The following WWOX variants were observed in gnomAD, a reference collection of about 807,000 sequenced individuals.
WWOX encodes the protein WW domain-containing oxidoreductase.
In WWOX, 69 loss-of-function variants were observed where a neutral mutation model predicts 46.2. The observed-to-expected ratio is 1.49, with a 90% CI of 1.23 to 1.82. The LOEUF (loss-of-function observed/expected upper bound fraction) is 1.82, where lower values mean the gene tolerates loss of function less well. Among genes scored for constraint, WWOX ranks in the 40% most tolerant of loss-of-function variants. The pLI, the probability that WWOX is intolerant of heterozygous loss-of-function variation, is 0.00. For missense variants in WWOX, 919 were observed against 542.6 expected (o/e 1.69, Z -6.89); for synonymous variants, 359 against 202.6 (o/e 1.77, Z -6.56).
intron 8 of WWOX, among the ~76,000 whole-genome samples, chr16:78,865,819 G>T (rs1203810905): frequency 6.6e-6 from 1 of 152,190 alleles, no homozygotes; most frequent in Non-Finnish European, 1.5e-5. Flanking sequence ...GGCAGAGTTT[G>T]CAGTGAGCCA....
intron 8 of WWOX, among the ~76,000 whole-genome samples, chr16:78,474,378 C>G (rs547956803): frequency 1.3e-5 from 2 of 152,356 alleles, no homozygotes; most frequent in South Asian, 4.1e-4. Context: ...CCGATGCACT[C>G]TCTAAACCGA....
chr16:78,574,253 G>A (rs527460743), intron 8 of WWOX, among the ~76,000 whole-genome samples: 9 of 152,284 alleles, frequency 5.9e-5, no homozygotes, highest in South Asian at 2.1e-4. Context: ...TGTAATCATG[G>A]AAGCCATGTA....
At chr16:78,373,611 T>A (rs954425528) in intron 5 of WWOX, among the ~76,000 whole-genome samples, 2 of 151,750 alleles carry the variant, frequency 1.3e-5, no homozygotes, top group African/African-American at 4.8e-5. Flanking sequence ...CTGCAGTGTA[T>A]CTTTTTTAAA....
chr16:78,877,708 C>G (rs1220866409), intron 8 of WWOX, among the ~76,000 whole-genome samples: 3 of 152,150 alleles, frequency 2.0e-5, no homozygotes, highest in Admixed American at 1.3e-4. Context: ...ATTTTTGTCT[C>G]TTTTGCTCAC....
chr16:78,676,471 C>T (rs1000970462), intron 8 of WWOX, among the ~76,000 whole-genome samples: 4 of 151,690 alleles, frequency 2.6e-5, no homozygotes, highest in African/African-American at 7.3e-5. Context: ...TAAAAAGCTC[C>T]CCACCCCCAC....
intron 8 of WWOX, among the ~76,000 whole-genome samples, chr16:78,671,710 A>T (rs1403029113): frequency 6.6e-6 from 1 of 152,214 alleles, no homozygotes; most frequent in Non-Finnish European, 1.5e-5. Context: ...AGAGTAAGTG[A>T]CCAATAAATA....
chr16:78,690,882 A>G (rs1437135438), intron 8 of WWOX, among the ~76,000 whole-genome samples: 1 of 152,176 alleles, frequency 6.6e-6, no homozygotes, highest in Non-Finnish European at 1.5e-5. Context: ...CACCGTATCA[A>G]TACCTGGGGG....
intron 8 of WWOX, among the ~76,000 whole-genome samples, chr16:79,148,070 T>G (rs1433605999): frequency 6.6e-6 from 1 of 152,196 alleles, no homozygotes; most frequent in Non-Finnish European, 1.5e-5. Context: ...TAAAAGTATT[T>G]AGTTTTAATG....
intron 8 of WWOX, among the ~76,000 whole-genome samples, chr16:78,491,217 G>T (rs2084777102): frequency 6.6e-6 from 1 of 152,040 alleles, no homozygotes; most frequent in African/African-American, 2.4e-5. Context: ...TACTCACCTG[G>T]GCCATTAATC....
chr16:78,532,553 G>T (rs2738491), intron 8 of WWOX, among the ~76,000 whole-genome samples: 12 of 152,156 alleles, frequency 7.9e-5, no homozygotes, highest in Non-Finnish European at 1.3e-4. Context: ...ACAAAAGACT[G>T]TATTAGTCTG....
At chr16:78,890,806 C>T (rs1328718883) in intron 8 of WWOX, 5 of 152,188 alleles carry the variant, frequency 3.3e-5, no homozygotes, top group Admixed American at 6.5e-5. Context: ...TACAGGAAAT[C>T]ATGGGTTTCG....
chr16:78,357,125 C>T lies in WWOX; in HGVS notation c.517-29735C>T, dbSNP rs563160784. ...ATAGACCTTCCTTTCTCAGAGCCTT[C>T]GTGGCCCCTAGTTTGAATCTTTGAG... On this transcript the variant is annotated intron_variant, in intron 5 of 8. Transcript: ENST00000566780. 1.1e-4 allele frequency among the ~76,000 whole-genome samples: 17 copies of T among 152,228 alleles called. No individual in the cohort carries two copies. The South Asian group carries it at 2.9e-3, about 26-fold the overall frequency.
chr16:79,064,908 C>A (rs768540853), intron 8 of WWOX, among the ~76,000 whole-genome samples: 4 of 152,134 alleles, frequency 2.6e-5, no homozygotes, highest in East Asian at 1.9e-4. Flanking sequence ...TTATAACGGA[C>A]GTTCTGATGG....
intron 5 of WWOX, among the ~76,000 whole-genome samples, chr16:78,327,707 G>C (rs2080658597): frequency 6.6e-6 from 1 of 151,888 alleles, no homozygotes; most frequent in African/African-American, 2.4e-5. Context: ...CCTCTGAATA[G>C]CAAGCATATA....
intron 8 of WWOX, among the ~76,000 whole-genome samples, chr16:78,812,921 C>A (rs796322769): frequency 6.6e-6 from 1 of 152,126 alleles, no homozygotes; most frequent in Non-Finnish European, 1.5e-5. Context: ...TTTTGACTCA[C>A]TGGTGAATTT....
intron 6 of WWOX, among the ~76,000 whole-genome samples, chr16:78,392,245 T>C (rs912852613): frequency 6.6e-6 from 1 of 152,074 alleles, no homozygotes; most frequent in African/African-American, 2.4e-5. Context: ...AGCAACAGCA[T>C]TAGTCTCATA....
chr16:78,785,149 A>T (rs1454341707), intron 8 of WWOX, among the ~76,000 whole-genome samples: 3 of 152,338 alleles, frequency 2.0e-5, no homozygotes, highest in African/African-American at 7.2e-5. Context: ...TAAAAACAAT[A>T]ACCAAGTGTG....
At chr16:78,392,737 G>T (rs2082202687) in intron 6 of WWOX, among the ~76,000 whole-genome samples, 2 of 152,132 alleles carry the variant, frequency 1.3e-5, no homozygotes, top group South Asian at 4.1e-4. Flanking sequence ...GTTTTCGTAA[G>T]AATACTTCAG....
At chr16:79,170,435 C>G (rs2050678404) in intron 8 of WWOX, among the ~76,000 whole-genome samples, 1 of 152,286 alleles carries the variant, frequency 6.6e-6, no homozygotes, top group African/African-American at 2.4e-5. Context: ...GAGCATCCTG[C>G]AATACAACTG....
Sources: gnomAD v4.1 joint callset for allele counts (sites outside exome capture counted in the v4.1 genomes callset) on GRCh38, gnomAD v4.1.1 for gene constraint, MANE v1.5 for transcripts, NCBI Gene and HGNC (gene_info 2026-07-23, HGNC 2026-07-21) for gene names.